The following GNG7 variants were observed in gnomAD, a reference collection of about 807,000 sequenced individuals.
GNG7 encodes the protein guanine nucleotide-binding protein G(I)/G(S)/G(O) subunit gamma-7.
A neutral mutation model predicts 4.0 loss-of-function variants in GNG7; 1 was observed. The ratio of observed to expected loss-of-function variants is 0.25; its 90% CI spans 0.09 to 1.18. GNG7 has a LOEUF of 1.18. GNG7 is among the 50% of genes most tolerant of loss of function. GNG7 has a pLI of 0.50. For synonymous variants in GNG7, 34 were observed against 36.9 expected (o/e 0.92, Z 0.29); for missense variants, 86 against 91.9 (o/e 0.94, Z 0.26).
chr19:2,692,912 G>A (rs1458392672), intron 1 of GNG7, among the ~76,000 whole-genome samples: 1 of 151,560 alleles, frequency 6.6e-6, no homozygotes, highest in Non-Finnish European at 1.5e-5. Flanking sequence ...CTTGAACCTG[G>A]GAGTTCAAGG....
intron 1 of GNG7, among the ~76,000 whole-genome samples, chr19:2,684,221 C>T (rs1484625993): frequency 1.3e-5 from 2 of 151,132 alleles, no homozygotes; most frequent in East Asian, 2.0e-4. Flanking sequence ...ACTGCAAGCT[C>T]CTCCTCCTGG....
At chr19:2,593,605 A>G (rs1011533898) in intron 2 of GNG7, among the ~76,000 whole-genome samples, 1 of 151,920 alleles carries the variant, frequency 6.6e-6, no homozygotes, top group East Asian at 1.9e-4. Context: ...TTAGCCGGGC[A>G]TGGGGGCGGC....
rs1006532285 is a variant in GNG7 at position 2,633,943 on chromosome 19, G to A, written c.-78+12281C>T. 1.3e-5 allele frequency among the ~76,000 whole-genome samples: 2 copies of A among 151,808 alleles called. No homozygotes were observed. The highest frequency in any genetic ancestry group is 2.9e-5 in the Non-Finnish European group (2 of 67,938). The stretch of plus-strand genomic sequence containing the variant: ...TCGAGGCAGCCACAAATGTCTCCTG[G>A]GTGCAAAATTGCCCCGAGTTGAGAC... On this transcript the variant is annotated intron_variant, in intron 2 of 4. Transcript: ENST00000382159. This position sits in a 1 kb window ranked among gnomAD's most constrained non-coding sequence, Gnocchi z 5.9.
chr19:2,569,521 C>T (rs71339117), intron 2 of GNG7, among the ~76,000 whole-genome samples: 18,419 of 152,154 alleles, frequency 0.12, 1,310 homozygotes, highest in Middle Eastern at 0.21. Context: ...GGGATCCACC[C>T]GCCTCGGCCT....
At chr19:2,600,392 A>C (rs1359685709) in intron 2 of GNG7, among the ~76,000 whole-genome samples, 1 of 151,974 alleles carries the variant, frequency 6.6e-6, no homozygotes, top group African/African-American at 2.4e-5. Context: ...TGTGATATCA[A>C]ACGTCATGCA....
At chr19:2,673,731 A>G (rs1983525344) in intron 1 of GNG7, among the ~76,000 whole-genome samples, 1 of 151,986 alleles carries the variant, frequency 6.6e-6, no homozygotes, top group African/African-American at 2.4e-5. Flanking sequence ...AAAGAAAAAT[A>G]AAATGTAAAT....
intron 2 of GNG7, among the ~76,000 whole-genome samples, chr19:2,624,901 T>G (rs1299893941): frequency 6.6e-6 from 1 of 152,202 alleles, no homozygotes; most frequent in Non-Finnish European, 1.5e-5. Context: ...ACTCCTGCCC[T>G]GAGACAGGAA....
chr19:2,699,448 C>T (rs1407540505), intron 1 of GNG7, among the ~76,000 whole-genome samples: 1 of 152,152 alleles, frequency 6.6e-6, no homozygotes, highest in African/African-American at 2.4e-5. Flanking sequence ...CGCACCCAGC[C>T]ATAAGTAGGC....
chr19:2,574,539 C>T (rs80002658), intron 2 of GNG7, among the ~76,000 whole-genome samples: 137 of 152,340 alleles, frequency 9.0e-4, no homozygotes, highest in Middle Eastern at 3.4e-3. Context: ...GGTTCATCCA[C>T]GCTGTAGCCC....
intron 1 of GNG7, among the ~76,000 whole-genome samples, chr19:2,676,176 C>T (rs1008307487): frequency 3.9e-5 from 6 of 152,204 alleles, no homozygotes; most frequent in African/African-American, 1.2e-4. Context: ...GCTTCTGGGC[C>T]GGGAACGGCC....
chr19:2,603,882 G>A (rs1260524244), intron 2 of GNG7, among the ~76,000 whole-genome samples: 3 of 151,442 alleles, frequency 2.0e-5, no homozygotes, highest in Non-Finnish European at 4.4e-5. Context: ...ACAGAGTCTC[G>A]CTCTGTCACC....
chr19:2,637,461 T>C (rs906080911), intron 2 of GNG7, among the ~76,000 whole-genome samples: 6 of 152,056 alleles, frequency 3.9e-5, no homozygotes, highest in African/African-American at 1.4e-4. Flanking sequence ...GAGGTGAGTT[T>C]CCAAGCTTCC....
chr19:2,538,594 G>A, intron 3 of GNG7: 1 of 399,018 alleles, frequency 2.5e-6, no homozygotes, highest in South Asian at 1.9e-5. Flanking sequence ...TTGCACCGCT[G>A]CACTCCAGCC....
In GNG7 at chr19:2,512,375, T is replaced by G. The variant is rs1972668818; in HGVS notation, c.*2647A>C. The G allele has an allele frequency of 2.0e-6, 2 of 985,388 alleles. No homozygotes were observed. The highest frequency in any genetic ancestry group is 4.7e-5 in the South Asian group (1 of 21,292). The allele number at this position is 985,388 out of a possible 1,614,324, so 61.0% of individuals were successfully genotyped here. A position where few individuals can be genotyped will look rare whatever the true frequency, so the allele number is the denominator to read the frequency against. On this transcript the variant is annotated 3_prime_UTR_variant, in exon 5 of 5. Transcript: ENST00000382159. The surrounding 1 kb of genome is among the most constrained non-coding windows in gnomAD (Gnocchi z 4.7). ...CAAGAAAAAAAAAAGTGGAGAATTT[T>G]TTTTTTAATCCCCCAAGCTAGAAAG...
chr19:2,621,937 G>C (rs1002525928), intron 2 of GNG7, among the ~76,000 whole-genome samples: 4 of 152,098 alleles, frequency 2.6e-5, no homozygotes, highest in African/African-American at 9.7e-5. Context: ...TCTGCGGATT[G>C]ATACTTCCGG....
At chr19:2,550,630 G>C (rs1385995676) in intron 3 of GNG7, among the ~76,000 whole-genome samples, 1 of 152,128 alleles carries the variant, frequency 6.6e-6, no homozygotes, top group Non-Finnish European at 1.5e-5. Flanking sequence ...AGATGAGCAG[G>C]TGGCCTACAC....
At position 2,634,544 on chromosome 19, in the gene GNG7, T is replaced by C. The variant is rs751658353; in HGVS notation, c.-78+11680A>G. 2.2e-4 allele frequency among the ~76,000 whole-genome samples: 34 copies of C among 152,068 alleles called. No homozygotes were observed. Among genetic ancestry groups the C allele is most frequent in the Non-Finnish European group, 4.4e-4 (30 of 68,020 alleles). ...AGAGGTTTCTGAGTCCTGGAGACTG[T>C]GGCAGAGCCCCTGATTTCGGCACAG... is the stretch of plus-strand genomic sequence containing the variant. On this transcript the variant is annotated intron_variant, in intron 2 of 4. Transcript: ENST00000382159. This position sits in a 1 kb window ranked among gnomAD's most constrained non-coding sequence, Gnocchi z 5.3.
At chr19:2,616,268 G>A (rs1172731148) in intron 2 of GNG7, among the ~76,000 whole-genome samples, 1 of 151,994 alleles carries the variant, frequency 6.6e-6, no homozygotes, top group African/African-American at 2.4e-5. Flanking sequence ...ATTTTGAGCC[G>A]GAGTCTCGCT....
intron 1 of GNG7, chr19:2,683,743 G>C (rs1260883879): frequency 6.6e-6 from 1 of 152,516 alleles, no homozygotes; most frequent in East Asian, 1.9e-4. Context: ...CCTGGAGGAG[G>C]AGGGAGGGAA....
Sources: allele counts gnomAD v4.1 joint callset (sites outside exome capture counted in the v4.1 genomes callset), GRCh38; gene constraint gnomAD v4.1.1; non-coding constraint Gnocchi (gnomAD v3.1); transcripts MANE v1.5; gene names NCBI Gene and HGNC (gene_info 2026-07-23, HGNC 2026-07-21).